The following TNRC6B variants were observed in gnomAD, a reference collection of about 807,000 sequenced individuals.
The protein encoded by TNRC6B is trinucleotide repeat containing adaptor 6B.
In TNRC6B, 52 loss-of-function variants were observed where a neutral mutation model predicts 203.6. The ratio of observed to expected loss-of-function variants is 0.26; its 90% CI spans 0.20 to 0.32. The LOEUF (loss-of-function observed/expected upper bound fraction) is 0.32. Among genes scored for constraint, TNRC6B ranks in the 10% least tolerant of loss-of-function variants. The pLI is 1.00. For missense variants in TNRC6B, 1,923 were observed against 2,286.2 expected, an observed-to-expected ratio of 0.84 and a Z score of 3.24; for synonymous variants, 838 against 845.7, an observed-to-expected ratio of 0.99 and a Z score of 0.16.
At chr22:40,145,048 G>T (rs2146341677) in intron 3 of TNRC6B, among the ~76,000 whole-genome samples, 1 of 135,250 alleles carries the variant, frequency 7.4e-6, no homozygotes, top group African/African-American at 3.0e-5. Context: ...CCTGGGCAGA[G>T]AGACCCTATC....
intron 1 of TNRC6B, among the ~76,000 whole-genome samples, chr22:40,189,296 A>G (rs915846621): frequency 6.6e-6 from 1 of 152,164 alleles, no homozygotes; most frequent in African/African-American, 2.4e-5. Context: ...GAAGTGGGAA[A>G]CACCTTTGTA....
chr22:40,220,561 A>G (rs577155758), intron 1 of TNRC6B, among the ~76,000 whole-genome samples: 1 of 152,132 alleles, frequency 6.6e-6, no homozygotes, highest in Non-Finnish European at 1.5e-5. Context: ...CTATTGTTCA[A>G]GTGTTTGCTT....
intron 1 of TNRC6B, among the ~76,000 whole-genome samples, chr22:40,061,257 C>T (rs2067848389): frequency 6.6e-6 from 1 of 152,128 alleles, no homozygotes; most frequent in Non-Finnish European, 1.5e-5. Context: ...TCTTGTTGCT[C>T]GGGCTGGAGT....
In TNRC6B at chr22:40,325,889, G is replaced by T. The variant is rs2071395725; in HGVS notation, c.*2648G>T. 1 of 152,468 alleles carries T rather than the reference G, an allele frequency of 6.6e-6. No homozygotes were observed. Among genetic ancestry groups the T allele is most frequent in the Non-Finnish European group, 1.5e-5 (1 of 68,014 alleles). The allele number at this position is 152,468 out of a possible 1,614,324, so 9.4% of individuals were successfully genotyped here. Reference sequence around the variant, plus strand: ...ACTATGGGTTAGTTGAGTTCCTTACGATACTACGGTGAAAGCCGGGTGCTA... The same window carrying T: ...ACTATGGGTTAGTTGAGTTCCTTACTATACTACGGTGAAAGCCGGGTGCTA... On this transcript the variant is annotated 3_prime_UTR_variant, in exon 23 of 23. Coordinates refer to ENST00000454349, the MANE Select transcript of TNRC6B (RefSeq NM_001162501.2).
At chr22:40,061,490 T>C (rs1045338884) in intron 1 of TNRC6B, among the ~76,000 whole-genome samples, 2 of 152,012 alleles carry the variant, frequency 1.3e-5, no homozygotes, top group African/African-American at 4.8e-5. Flanking sequence ...TCCAAAGTGC[T>C]AGGATTGCAG....
chr22:40,250,068 C>T (rs13056733), intron 2 of TNRC6B, among the ~76,000 whole-genome samples: 10,995 of 152,174 alleles, frequency 0.072, 532 homozygotes, highest in Middle Eastern at 0.13. Flanking sequence ...TAATCCAGTA[C>T]GATTACCAGC....
chr22:40,283,096 C>G (rs1014511857), intron 11 of TNRC6B, among the ~76,000 whole-genome samples: 1 of 151,998 alleles, frequency 6.6e-6, no homozygotes. Context: ...AATGCAGTGG[C>G]GTGATCTCTG....
At position 40,325,288 on chromosome 22, in the gene TNRC6B, G is replaced by C. The variant is rs1022657623; in HGVS notation, c.*2047G>C. On this transcript the variant is annotated 3_prime_UTR_variant, in exon 23 of 23. Coordinates refer to ENST00000454349, the MANE Select transcript of TNRC6B (RefSeq NM_001162501.2). ...GTATTTGACTTTTTAGCTTGTGTCT[G>C]TGTGTAGGTGGGTGGGTGGGTGTGT... 3 of 152,642 alleles carry C rather than the reference G, an allele frequency of 2.0e-5. No individual in the cohort carries two copies. Among genetic ancestry groups the C allele is most frequent in the Non-Finnish European group, 4.4e-5 (3 of 68,044 alleles). The allele number at this position is 152,642 out of a possible 1,614,324, so 9.5% of individuals were successfully genotyped here. A position where few individuals can be genotyped will look rare whatever the true frequency, so the allele number is the denominator to read the frequency against.
Position 40,126,429 on chromosome 22 carries a change from C to T in TNRC6B, c.45+567C>T, listed in dbSNP as rs1029597818. 4.6e-5 allele frequency among the ~76,000 whole-genome samples: 7 copies of T among 152,074 alleles called. No individual in the cohort carries two copies. The South Asian group carries it at 1.5e-3, about 32-fold the overall frequency. On this transcript the variant is annotated intron_variant, in intron 3 of 23. Transcript: ENST00000301923. ...TCTCCCTTTTGGAGTCCCCAGTGTC[C>T]ACCGTTTCCATCTTTATGTCCACAT...
At chr22:40,134,046 T>C (rs1264839504) in intron 3 of TNRC6B, among the ~76,000 whole-genome samples, 1 of 147,712 alleles carries the variant, frequency 6.8e-6, no homozygotes, top group Non-Finnish European at 1.5e-5. Context: ...GTGTTTCAGA[T>C]ATCTTGATGT....
chr22:40,256,517 A>G (rs2070280357), intron 3 of TNRC6B, among the ~76,000 whole-genome samples: 1 of 152,140 alleles, frequency 6.6e-6, no homozygotes, highest in African/African-American at 2.4e-5. Flanking sequence ...TTTATTGGAG[A>G]AAAAATGGGG....
chr22:40,198,150 C>A (rs533479371), intron 1 of TNRC6B, among the ~76,000 whole-genome samples: 13 of 152,152 alleles, frequency 8.5e-5, no homozygotes, highest in Non-Finnish European at 1.9e-4. Flanking sequence ...AAGGCAAGTA[C>A]ATGCCCAGTG....
intron 1 of TNRC6B, among the ~76,000 whole-genome samples, chr22:40,087,799 G>C (rs1325591873): frequency 6.6e-6 from 1 of 152,164 alleles, no homozygotes; most frequent in Non-Finnish European, 1.5e-5. Flanking sequence ...GGGAGGCAGG[G>C]AATTAGGAGA....
chr22:40,209,880 A>G (rs570565563), intron 1 of TNRC6B, among the ~76,000 whole-genome samples: 3 of 152,208 alleles, frequency 2.0e-5, no homozygotes, highest in Admixed American at 2.0e-4. Flanking sequence ...TGAACCGGAC[A>G]TGGTGACAGT....
Position 40,334,410 on chromosome 22 carries a change from A to T in TNRC6B, c.*11169A>T, listed in dbSNP as rs904153602. The T allele has an allele frequency of 7.2e-5, 11 of 152,552 alleles. No individual in the cohort carries two copies. The highest frequency in any genetic ancestry group is 2.4e-4 in the African/African-American group (10 of 41,430). The allele number at this position is 152,552 out of a possible 1,614,324, so 9.4% of individuals were successfully genotyped here. A position where few individuals can be genotyped will look rare whatever the true frequency, so the allele number is the denominator to read the frequency against. ...CAAAAAACCCTTCTGGGAGGAAAAA[A>T]ATAAAAAGCAGATACAACAGCTCAA... On this transcript the variant is annotated 3_prime_UTR_variant, in exon 23 of 23. Transcript: ENST00000454349.
At chr22:40,291,147 AG>A (rs2070864853) in intron 12 of TNRC6B, among the ~76,000 whole-genome samples, 1 of 152,206 alleles carries the variant, frequency 6.6e-6, no homozygotes, top group African/African-American at 2.4e-5. Flanking sequence ...GCACTTTGGG[AG>A]ACCAAGATGG....
intron 7 of TNRC6B, among the ~76,000 whole-genome samples, chr22:40,275,751 G>GACCTC (rs1166215793): frequency 6.6e-6 from 1 of 151,982 alleles, no homozygotes; most frequent in Non-Finnish European, 1.5e-5. Context: ...CTGAGGTCAA[G>GACCTC]AGTTCAAGAC....
At chr22:40,303,343 A>C (rs374245992) in intron 15 of TNRC6B, among the ~76,000 whole-genome samples, 4 of 151,994 alleles carry the variant, frequency 2.6e-5, no homozygotes, top group East Asian at 1.9e-4. Context: ...TCTTACTTCT[A>C]ATGGCTAAAG....
rs910488376 is a variant in TNRC6B at position 40,329,014 on chromosome 22, T to TA, written c.*5774dup. ...ATGCATTAACTATACTTCTTAGTGT[T>TA]ACTGCAAAAAAAAAAAACAAAAACA... On this transcript the variant is annotated 3_prime_UTR_variant, in exon 23 of 23. Coordinates refer to ENST00000454349, the MANE Select transcript of TNRC6B (RefSeq NM_001162501.2). 8.2e-5 allele frequency: 11 copies of TA among 133,754 alleles called. No homozygotes were observed. The highest frequency in any genetic ancestry group is 4.5e-4 in the South Asian group (2 of 4,470). 8.3% of individuals were successfully genotyped at this position (133,754 alleles called of 1,614,324 possible).
Sources: gnomAD v4.1 joint callset for allele counts (sites outside exome capture counted in the v4.1 genomes callset) on GRCh38, gnomAD v4.1.1 for gene constraint, MANE v1.5 for transcripts, NCBI Gene and HGNC (gene_info 2026-07-23, HGNC 2026-07-21) for gene names.